Variants in TIAM1 observed in about 807,000 individuals in gnomAD.
TIAM1 encodes the protein rho guanine nucleotide exchange factor TIAM1.
In TIAM1, 65 loss-of-function variants were observed where a neutral mutation model predicts 163.5. The ratio of observed to expected loss-of-function variants is 0.40; its 90% CI spans 0.33 to 0.49. The LOEUF (loss-of-function observed/expected upper bound fraction) is 0.49. Among genes scored for constraint, TIAM1 ranks in the 20% least tolerant of loss-of-function variants. The pLI is 0.77. For missense variants in TIAM1, 1,789 were observed against 2,044.7 expected (o/e 0.87, Z 2.41); for synonymous variants, 833 against 810.1 (o/e 1.03, Z -0.48).
intron 2 of TIAM1, among the ~76,000 whole-genome samples, chr21:31,391,764 G>A (rs1569290785): frequency 1.3e-5 from 2 of 152,196 alleles, no homozygotes; most frequent in East Asian, 1.9e-4. Context: ...ATTCTTGCCC[G>A]CAGGCCTGCT....
At chr21:31,159,663 T>C (rs1475747089) in intron 16 of TIAM1, among the ~76,000 whole-genome samples, 1 of 152,170 alleles carries the variant, frequency 6.6e-6, no homozygotes. Context: ...AAAGAAGAAA[T>C]ATCCAAGAAG....
intron 2 of TIAM1, among the ~76,000 whole-genome samples, chr21:31,385,149 C>T (rs1220327162): frequency 2.0e-5 from 3 of 152,140 alleles, no homozygotes; most frequent in Non-Finnish European, 4.4e-5. Context: ...GCAACCTCCG[C>T]CTCCCAGGTT....
At position 31,266,336 on chromosome 21, in the gene TIAM1, C is replaced by T. The variant is rs755415659; in HGVS notation, c.637G>A (p.Gly213Arg). The T allele has an allele frequency of 1.2e-6, 2 of 1,614,120 alleles. No individual in the cohort carries two copies. Among genetic ancestry groups the T allele is most frequent in the East Asian group, 4.5e-5 (2 of 44,894 alleles). The change falls in exon 4 of 28, where the codon GGG (glycine) becomes AGG (arginine). Residue 213 changes from glycine (G) to arginine (R), a missense_variant. Gly to Arg is a moderately radical substitution (Grantham distance 125). This residue lies in a region of TIAM1 where 555 missense variants were observed against 564.9 expected (regional missense o/e 0.98). Transcript: ENST00000541036. ...AEEKDCEEAR[G>R]METRASPRQL... The stretch of plus-strand genomic sequence containing the variant: ...CGCGGACTCGCCCGCGTTTCCATCC[C>T]CCGAGCCTCCTCGCAGTCCTTCTCT...
At chr21:31,423,069 G>A (rs2043635991) in intron 2 of TIAM1, among the ~76,000 whole-genome samples, 2 of 140,722 alleles carry the variant, frequency 1.4e-5, no homozygotes, top group African/African-American at 5.2e-5. Flanking sequence ...TTCCTGATAA[G>A]AGAACTGTGA....
chr21:31,239,298 A>T (rs552815394), intron 6 of TIAM1, among the ~76,000 whole-genome samples: 39 of 151,766 alleles, frequency 2.6e-4, no homozygotes, highest in African/African-American at 8.5e-4. Context: ...AATTTTTTTT[A>T]TTTTTATTTT....
chr21:31,456,472 C>G (rs1230564327), intron 2 of TIAM1, among the ~76,000 whole-genome samples: 1 of 152,210 alleles, frequency 6.6e-6, no homozygotes, highest in Non-Finnish European at 1.5e-5. Context: ...GCCAGGGAAA[C>G]TGGGAAACGT....
chr21:31,218,691 C>A (rs573093831), intron 8 of TIAM1, among the ~76,000 whole-genome samples: 1 of 152,066 alleles, frequency 6.6e-6, no homozygotes, highest in Non-Finnish European at 1.5e-5. Flanking sequence ...CAATGGCATA[C>A]AAGCAAAAAA....
intron 1 of TIAM1, among the ~76,000 whole-genome samples, chr21:31,534,113 T>C (rs946862585): frequency 1.3e-5 from 2 of 152,090 alleles, no homozygotes; most frequent in South Asian, 2.1e-4. Context: ...ACCCACTCCA[T>C]ATAATGGAAA....
intron 1 of TIAM1, among the ~76,000 whole-genome samples, chr21:31,513,979 C>A (rs1218556599): frequency 6.6e-6 from 1 of 152,112 alleles, no homozygotes; most frequent in East Asian, 1.9e-4. Flanking sequence ...CGCACTCCAG[C>A]CTGAGCAACA....
chr21:31,529,982 A>G (rs2047921191), intron 1 of TIAM1, among the ~76,000 whole-genome samples: 1 of 151,398 alleles, frequency 6.6e-6, no homozygotes, highest in African/African-American at 2.4e-5. Context: ...TGCTTTTGCG[A>G]CCCCCCTGCA....
chr21:31,138,700 C>T (rs186550083), intron 22 of TIAM1, among the ~76,000 whole-genome samples: 256 of 152,300 alleles, frequency 1.7e-3, no homozygotes, highest in African/African-American at 5.8e-3. Flanking sequence ...TTTGTTCTTA[C>T]GGCATTGAGG....
At position 31,481,879 on chromosome 21, in the gene TIAM1, C is replaced by T. The variant is rs1260808277; in HGVS notation, c.-421-17844G>A. 3.9e-5 allele frequency among the ~76,000 whole-genome samples: 6 copies of T among 152,032 alleles called. No individual in the cohort carries two copies. The East Asian group carries it at 5.8e-4, about 15-fold the overall frequency. On this transcript the variant is annotated intron_variant, in intron 1 of 28. Coordinates refer to the TIAM1 transcript ENST00000286827. ...TTAATTCAATCTCTCGCCCCTCTCT[C>T]CTCTCCCTAAGGAGAGGATGGAGCT...
intron 2 of TIAM1, among the ~76,000 whole-genome samples, chr21:31,369,036 G>C (rs1417684858): frequency 5.5e-5 from 8 of 145,474 alleles, no homozygotes; most frequent in Admixed American, 4.0e-4. Flanking sequence ...TCGGGAGATA[G>C]AGACATGGTG....
At chr21:31,326,551 A>G (rs2075493467) in intron 2 of TIAM1, among the ~76,000 whole-genome samples, 1 of 152,218 alleles carries the variant, frequency 6.6e-6, no homozygotes. Context: ...AAGCCCATGA[A>G]CTGGAAAGAA....
chr21:31,245,018 G>A (rs1302976859), intron 6 of TIAM1, among the ~76,000 whole-genome samples: 1 of 152,080 alleles, frequency 6.6e-6, no homozygotes, highest in Non-Finnish European at 1.5e-5. Context: ...ATCAGATGAG[G>A]AAGAGAAACT....
At position 31,201,411 on chromosome 21, in the gene TIAM1, A is replaced by G. The variant is rs536209505; in HGVS notation, c.2493+1497T>C. ...ATAATCTTCTATTGCATAACGTGCT[A>G]TAAGTGTTACAAAAGCACACGCTCT... On this transcript the variant is annotated intron_variant, in intron 12 of 27. Transcript: ENST00000541036. Among the ~76,000 whole-genome samples the G allele has an allele frequency of 2.9e-4, 44 of 152,276 alleles. No homozygotes were observed. In the South Asian group the frequency reaches 7.1e-3, roughly 24 times the overall value.
intron 2 of TIAM1, among the ~76,000 whole-genome samples, chr21:31,382,613 T>G (rs2076796788): frequency 6.6e-6 from 1 of 152,208 alleles, no homozygotes; most frequent in Admixed American, 6.5e-5. Context: ...ATGAGACGGA[T>G]GTAGCACACT....
chr21:31,393,621 T>C (rs1287360680), intron 2 of TIAM1, among the ~76,000 whole-genome samples: 2 of 152,208 alleles, frequency 1.3e-5, no homozygotes, highest in Non-Finnish European at 2.9e-5. Context: ...ATCTGAATTT[T>C]TTAAGAGAAG....
At chr21:31,307,544 G>A (rs138992837) in intron 2 of TIAM1, among the ~76,000 whole-genome samples, 164 of 152,292 alleles carry the variant, frequency 1.1e-3, no homozygotes, top group African/African-American at 3.4e-3. Context: ...GATCTACCCC[G>A]GAGAACTCTG....
Sources: gnomAD v4.1 joint callset for allele counts (sites outside exome capture counted in the v4.1 genomes callset) on GRCh38, gnomAD v4.1.1 for gene constraint, gnomAD v4.1.1 regional missense constraint, MANE v1.5 for transcripts, NCBI Gene and HGNC (gene_info 2026-07-23, HGNC 2026-07-21) for gene names.